The following MMP3 variants were observed in gnomAD, a reference collection of about 807,000 sequenced individuals.
MMP3 encodes matrix metallopeptidase 3, also known as stromelysin-1.
A neutral mutation model predicts 47.3 loss-of-function variants in MMP3; 46 were observed. That is an observed-to-expected ratio of 0.97 (90% CI 0.77 to 1.24). The LOEUF is 1.24. Among genes scored for constraint, MMP3 ranks in the 50% most tolerant of loss-of-function variants. MMP3 has a pLI of 0.00. For missense variants in MMP3, 558 were observed against 565.5 expected, an observed-to-expected ratio of 0.99 and a Z score of 0.13; for synonymous variants, 216 against 206.5, an observed-to-expected ratio of 1.05 and a Z score of -0.39.
At position 102,842,182 on chromosome 11, in the gene MMP3, A is replaced by G. The variant is rs1859009258; in HGVS notation, c.597T>C (p.Asp199=). 1 of 1,611,102 alleles carries G rather than the reference A, an allele frequency of 6.2e-7. No homozygotes were observed. Among genetic ancestry groups the G allele is most frequent in the South Asian group, 1.1e-5 (1 of 90,420 alleles). ...TTGTATCCTTTGTCCATTGTTCATC[A>G]TCATCAAAGTGGGCATCTCCATTAA... is the stretch of plus-strand genomic sequence containing the variant. ...PGINGDAHFD[D]DEQWTKDTTG... Residue 199 remains aspartate, a synonymous_variant, in exon 4 of 10, where the codon GAT becomes GAC. Transcript: ENST00000299855.
chr11:102,838,480 G>A (rs1466931542), intron 8 of MMP3, 71 bp downstream of exon 8: 8 of 1,502,900 alleles, frequency 5.3e-6, no homozygotes, highest in African/African-American at 2.8e-5. Flanking sequence ...TTGGGGTGGG[G>A]GATTTCCTTA....
chr11:102,837,584 A>T lies in MMP3; in HGVS notation c.1230-183T>A, dbSNP rs1232766607. 2.6e-5 allele frequency among the ~76,000 whole-genome samples: 4 copies of T among 152,168 alleles called. No homozygotes were observed. The South Asian group carries it at 6.2e-4, about 24-fold the overall frequency. On this transcript the variant is annotated intron_variant, in intron 8 of 9. Coordinates refer to ENST00000299855, the MANE Select transcript of MMP3 (RefSeq NM_002422.5). This position sits in a 1 kb window ranked among gnomAD's most constrained non-coding sequence, Gnocchi z 4.4. ...GGTACTGTAAAGAGTTCTGAAAGCC[A>T]TATCTCCATCCGGAACAGGGGCCGC... is the stretch of plus-strand genomic sequence containing the variant.
chr11:102,839,009 G>A, intron 7 of MMP3, 101 bp downstream of exon 7: 4 of 1,263,980 alleles, frequency 3.2e-6, no homozygotes, highest in Non-Finnish European at 4.5e-6. Flanking sequence ...GTTGACTACT[G>A]TATTAGCCAG....
At chr11:102,842,316 A>C in intron 3 of MMP3, 37 bp from the exon 4 acceptor site, 1 of 1,584,318 alleles carries the variant, frequency 6.3e-7, no homozygotes, top group Non-Finnish European at 8.6e-7. Context: ...GATATGTAAC[A>C]AGGATCCCTT....
Position 102,838,663 on chromosome 11 carries a change from G to C in MMP3, c.1117C>G (p.Pro373Ala), listed in dbSNP as rs782730264. The C allele has an allele frequency of 5.6e-6, 9 of 1,613,250 alleles. No homozygotes were observed. The highest frequency in any genetic ancestry group is 7.6e-6 in the Non-Finnish European group (9 of 1,179,876). ...IRGNEVRAGY[P>A]RGIHTLGFPP... ...AAACCTAGGGTGTGGATGCCTCTTG[G>C]GTATCCAGCTCGTACCTCATTTCCT... The change falls in exon 8 of 10, where the codon CCA becomes GCA. Residue 373 changes from proline to alanine, a missense_variant. Pro to Ala is a conservative substitution (Grantham distance 27, BLOSUM62 -1). Transcript: ENST00000299855.
In MMP3 at chr11:102,843,607, T is replaced by C; in HGVS notation, c.-61A>G. On this transcript the variant is annotated 5_prime_UTR_variant, in exon 1 of 10. Coordinates refer to ENST00000299855, the MANE Select transcript of MMP3 (RefSeq NM_002422.5). ...TGCCTTGCTGTCTTGCCTGCCTCCT[T>C]GTAGGTCCAACCTCGGGAGCGCAGC... 1 of 1,342,872 alleles carries C rather than the reference T, an allele frequency of 7.4e-7. No homozygotes were observed. Among genetic ancestry groups the C allele is most frequent in the Non-Finnish European group, 1.1e-6 (1 of 947,558 alleles). The allele number at this position is 1,342,872 out of a possible 1,614,324, so 83.2% of individuals were successfully genotyped here.
intron 8 of MMP3, 112 bp downstream of exon 8, chr11:102,838,439 C>G: frequency 8.6e-7 from 1 of 1,164,082 alleles, no homozygotes; most frequent in Non-Finnish European, 1.2e-6. Context: ...GAAGTCCCAT[C>G]CTTCCTACTA....
rs11418340 is a variant in MMP3, at chr11:102,842,404, CTTTTTTTTTTT to C, written c.499+16_499+26del. On this transcript the variant is annotated intron_variant, in intron 3 of 9. Coordinates refer to ENST00000299855, the MANE Select transcript of MMP3 (RefSeq NM_002422.5). ...GTGTTTTTTGTTTTGTTTTGTTTTG[CTTTTTTTTTTT>C]TTTTTTTTTTTTTACCTCTAACTGC... The C allele has an allele frequency of 3.0e-5, 24 of 813,324 alleles. No homozygotes were observed. In the South Asian group the frequency reaches 4.2e-4, roughly 14 times the overall value. The allele number at this position is 813,324 out of a possible 1,614,324, so 50.4% of individuals were successfully genotyped here. A position where few individuals can be genotyped will look rare whatever the true frequency, so the allele number is the denominator to read the frequency against.
At position 102,836,441 on chromosome 11, in the gene MMP3, G is replaced by C; in HGVS notation, c.1334-215C>G. 1.6e-6 allele frequency: 1 copy of C among 621,112 alleles called. No individual in the cohort carries two copies. Among genetic ancestry groups the C allele is most frequent in the Non-Finnish European group, 3.1e-6 (1 of 324,264 alleles). 38.5% of individuals were successfully genotyped at this position (621,112 alleles called of 1,614,324 possible). A position where few individuals can be genotyped will look rare whatever the true frequency, so the allele number is the denominator to read the frequency against. ...GTATGTCTAACTCCATTTACAGATTGAGCAAGTTGAGGTTGAGACAGATTT... is the reference window on the plus strand; with the variant it reads ...GTATGTCTAACTCCATTTACAGATTCAGCAAGTTGAGGTTGAGACAGATTT... On this transcript the variant is annotated intron_variant, in intron 9 of 9. Transcript: ENST00000299855. This position sits in a 1 kb window ranked among gnomAD's most constrained non-coding sequence, Gnocchi z 4.6.
Position 102,836,051 on chromosome 11 carries a change from C to A in MMP3, c.*75G>T. The A allele has an allele frequency of 8.8e-7, 1 of 1,140,986 alleles. No individual in the cohort carries two copies. 70.7% of individuals were successfully genotyped at this position (1,140,986 alleles called of 1,614,324 possible). On this transcript the variant is annotated 3_prime_UTR_variant, in exon 10 of 10. Transcript: ENST00000299855. This position sits in a 1 kb window ranked among gnomAD's most constrained non-coding sequence, Gnocchi z 4.6. ...CACAGGCAGGAGAAAACGAACATTT[C>A]AATTCACAGAGACTTAGGTGAAGAA...
intron 1 of MMP3, 91 bp downstream of exon 1, chr11:102,843,351 C>G (rs1321712576): frequency 2.3e-6 from 2 of 874,228 alleles, no homozygotes; most frequent in Non-Finnish European, 3.8e-6. Context: ...ACAGTAAGCT[C>G]AAGCATTCTA....
chr11:102,840,165 GC>G lies in MMP3; in HGVS notation c.877del (p.Ala293LeufsTer10). The part of the protein sequence containing the change: ...EPGTPANCDP[A>X]LSFDAVSTLR... ...AGTGCTGACAGCATCAAAGGACAAA[GC>G]AGGATCACAGTTGGCTGGCGTCCCA... On this transcript the variant is annotated frameshift_variant, in exon 6 of 10. Coordinates refer to ENST00000299855, the MANE Select transcript of MMP3 (RefSeq NM_002422.5). LOFTEE classifies it high-confidence loss of function. The G allele has an allele frequency of 6.2e-7, 1 of 1,614,120 alleles. No individual in the cohort carries two copies. The highest frequency in any genetic ancestry group is 2.2e-5 in the East Asian group (1 of 44,874).
rs1858871735 is a variant in MMP3, at chr11:102,835,911, T to A, written c.*215A>T. On this transcript the variant is annotated 3_prime_UTR_variant, in exon 10 of 10. Transcript: ENST00000299855. ...CCTTCTCTTGGGAAAGATCACTCTA[T>A]GTGACAAGGTGCAAGCTAAGCAGCA... 4.0e-6 allele frequency: 2 copies of A among 503,376 alleles called. No individual in the cohort carries two copies. The highest frequency in any genetic ancestry group is 3.8e-5 in the African/African-American group (2 of 52,456). 31.2% of individuals were successfully genotyped at this position (503,376 alleles called of 1,614,324 possible).
intron 1 of MMP3, 91 bp from the exon 2 acceptor site, chr11:102,843,007 A>T (rs1859038345): frequency 1.7e-6 from 2 of 1,145,814 alleles, no homozygotes; most frequent in Non-Finnish European, 1.2e-6. Flanking sequence ...CTCACTTCTT[A>T]ATCTATTTGG....
chr11:102,839,349 C>T, intron 6 of MMP3, 106 bp from the exon 7 acceptor site: 1 of 1,312,722 alleles, frequency 7.6e-7, no homozygotes, highest in Non-Finnish European at 1.1e-6. Context: ...CTCTCATCTT[C>T]TAGGCTGGAT....
chr11:102,843,343 A>G (rs1279293501), intron 1 of MMP3, 99 bp downstream of exon 1: 1 of 815,708 alleles, frequency 1.2e-6, no homozygotes, highest in Non-Finnish European at 2.1e-6. Flanking sequence ...GTTCCTACAC[A>G]GTAAGCTCAA....
chr11:102,835,857 T>C lies in MMP3; in HGVS notation c.*269A>G, dbSNP rs1858870071. 1 of 392,016 alleles carries C rather than the reference T, an allele frequency of 2.6e-6. No individual in the cohort carries two copies. Among genetic ancestry groups the C allele is most frequent in the African/African-American group, 2.0e-5 (1 of 50,304 alleles). The allele number at this position is 392,016 out of a possible 1,614,324, so 24.3% of individuals were successfully genotyped here. ...AAGCAAATAGTCTACACAGATACAGTCACTTGTCTGTTGCACACGAGTGCT... is the reference window on the plus strand; with the variant it reads ...AAGCAAATAGTCTACACAGATACAGCCACTTGTCTGTTGCACACGAGTGCT... On this transcript the variant is annotated 3_prime_UTR_variant, in exon 10 of 10. Transcript: ENST00000299855.
Position 102,839,995 on chromosome 11 carries a change from A to G in MMP3, c.935+113T>C, listed in dbSNP as rs974763116. The G allele has an allele frequency of 1.2e-5, 15 of 1,207,018 alleles. 1 individual carries two copies. The highest frequency in any genetic ancestry group is 1.4e-5 in the Non-Finnish European group (12 of 875,612). The allele number at this position is 1,207,018 out of a possible 1,614,324, so 74.8% of individuals were successfully genotyped here. On this transcript the variant is annotated intron_variant, in intron 6 of 9. Coordinates refer to ENST00000299855, the MANE Select transcript of MMP3 (RefSeq NM_002422.5). The stretch of plus-strand genomic sequence containing the variant: ...ACCAGATCTAAATGATTCCAAGCTC[A>G]GAAGAAACGTTTTTGTTTTAAATGT...
chr11:102,837,880 G>A lies in MMP3; in HGVS notation c.1230-479C>T, dbSNP rs1037577224. 2.0e-5 allele frequency among the ~76,000 whole-genome samples: 3 copies of A among 152,136 alleles called. No homozygotes were observed. The highest frequency in any genetic ancestry group is 4.1e-4 in the South Asian group (2 of 4,822). ...GCAAAGCACAGTAAGTGTGTTTTTAGCCCATTGGCTGGATATCAGATGGTC... is the reference window on the plus strand; with the variant it reads ...GCAAAGCACAGTAAGTGTGTTTTTAACCCATTGGCTGGATATCAGATGGTC... On this transcript the variant is annotated intron_variant, in intron 8 of 9. Transcript: ENST00000299855. The surrounding 1 kb of genome is among the most constrained non-coding windows in gnomAD (Gnocchi z 4.4).
Sources: gnomAD v4.1 joint callset for allele counts (sites outside exome capture counted in the v4.1 genomes callset) on GRCh38, gnomAD v4.1.1 for gene constraint, Gnocchi (gnomAD v3.1) non-coding constraint, MANE v1.5 for transcripts, NCBI Gene and HGNC (gene_info 2026-07-23, HGNC 2026-07-21) for gene names.